The following AMPH variants were observed in gnomAD, a reference collection of about 807,000 sequenced individuals.
AMPH encodes amphiphysin.
A neutral mutation model predicts 99.1 loss-of-function variants in AMPH; 49 were observed. The observed-to-expected ratio is 0.49, with a 90% CI of 0.39 to 0.63. AMPH has a LOEUF of 0.63. Among genes scored for constraint, AMPH ranks in the 20% least tolerant of loss-of-function variants. The pLI is 0.00. For missense variants in AMPH, 759 were observed against 863.4 expected (o/e 0.88, Z 1.52); for synonymous variants, 314 against 317.3 (o/e 0.99, Z 0.11).
intron 20 of AMPH, among the ~76,000 whole-genome samples, chr7:38,386,328 T>C (rs553192241): frequency 6.6e-6 from 1 of 152,324 alleles, no homozygotes; most frequent in African/African-American, 2.4e-5. Context: ...AGTGTCTATA[T>C]TTGACTTTAT....
rs1441313460 is a variant in AMPH at position 38,618,020 on chromosome 7, TGTTA to T, written c.69+13259_69+13262del. ...TAGCTGGAGTTATGCTTAATAAATG[TGTTA>T]GTAACACTGGACATCTCGTACTATG... On this transcript the variant is annotated intron_variant, in intron 1 of 20. Transcript: ENST00000356264. Among the ~76,000 whole-genome samples, 4 of 152,348 alleles carry T rather than the reference TGTTA, an allele frequency of 2.6e-5. No individual in the cohort carries two copies. In the East Asian group the frequency reaches 7.7e-4, roughly 29 times the overall value.
chr7:38,386,549 T>A (rs746601589), intron 20 of AMPH, among the ~76,000 whole-genome samples: 2 of 152,202 alleles, frequency 1.3e-5, no homozygotes, highest in African/African-American at 4.8e-5. Context: ...GCTTAAAATA[T>A]GTGGTAGAAA....
rs537589146 is a variant in AMPH, at chr7:38,498,927, G to C, written c.206-4400C>G. 2.0e-5 allele frequency among the ~76,000 whole-genome samples: 3 copies of C among 152,180 alleles called. No homozygotes were observed. In the South Asian group the frequency reaches 6.2e-4, roughly 32 times the overall value. On this transcript the variant is annotated intron_variant, in intron 3 of 20. Transcript: ENST00000356264. ...GCTCTGTTTGTTCCCTCAAGAACCCGTGCTTCCTTCTGCTTCCTGGCCCAG... is the reference window on the plus strand; with the variant it reads ...GCTCTGTTTGTTCCCTCAAGAACCCCTGCTTCCTTCTGCTTCCTGGCCCAG...
At chr7:38,606,566 C>CTTTTTTTTTTTTTTTTTTTTT in intron 1 of AMPH, among the ~76,000 whole-genome samples, 1 of 97,276 alleles carries the variant, frequency 1.0e-5, no homozygotes, top group Non-Finnish European at 1.9e-5. Flanking sequence ...ACGTCATTCT[C>CTTTTTTTTTTTTTTTTTTTTT]TTTTTTTTTT....
At chr7:38,593,273 A>G (rs926962722) in intron 1 of AMPH, among the ~76,000 whole-genome samples, 3 of 152,246 alleles carry the variant, frequency 2.0e-5, no homozygotes, top group Non-Finnish European at 4.4e-5. Flanking sequence ...AGCAGAAACT[A>G]TTCTTTCAGT....
intron 16 of AMPH, among the ~76,000 whole-genome samples, chr7:38,421,331 A>T (rs1180151945): frequency 6.6e-6 from 1 of 152,256 alleles, no homozygotes; most frequent in African/African-American, 2.4e-5. Context: ...ATTGATAATT[A>T]AAAATTCCGT....
rs140096046 is a variant in AMPH at position 38,537,542 on chromosome 7, A to G, written c.70-2531T>C. On this transcript the variant is annotated intron_variant, in intron 1 of 20. Transcript: ENST00000356264. ...TTCTTTAACAAGATGAAATTCAACAAGGATAAAATTTAGGACAAAAACTTA... is the reference window on the plus strand; with the variant it reads ...TTCTTTAACAAGATGAAATTCAACAGGGATAAAATTTAGGACAAAAACTTA... 1.9e-3 allele frequency among the ~76,000 whole-genome samples: 291 copies of G among 152,360 alleles called. 3 individuals are homozygous for G. Among genetic ancestry groups the G allele is most frequent in the Admixed American group, 0.014 (218 of 15,306 alleles).
At chr7:38,485,445 A>C (rs760768789) in intron 5 of AMPH, among the ~76,000 whole-genome samples, 10 of 151,994 alleles carry the variant, frequency 6.6e-5, no homozygotes, top group African/African-American at 9.6e-5. Context: ...AATATAAAGC[A>C]TCTATATATG....
At chr7:38,427,802 C>A (rs1029526550) in intron 14 of AMPH, 42 of 423,890 alleles carry the variant, frequency 9.9e-5, no homozygotes, top group Admixed American at 1.8e-4. Context: ...CTACAGAAGT[C>A]TTTGGCTAGT....
intron 1 of AMPH, among the ~76,000 whole-genome samples, chr7:38,628,409 A>G (rs1268329284): frequency 1.3e-5 from 2 of 152,194 alleles, no homozygotes; most frequent in African/African-American, 2.4e-5. Flanking sequence ...GAATTTATCT[A>G]AGGAGATAAT....
Position 38,480,058 on chromosome 7 carries a change from GA to G in AMPH, c.397-3090del, listed in dbSNP as rs57895829. ...AAAAAATTTGATATGGTAGGAAAAA[GA>G]AAAAAAAAACACAATAATATAAATG... On this transcript the variant is annotated intron_variant, in intron 5 of 20. Coordinates refer to ENST00000356264, the MANE Select transcript of AMPH (RefSeq NM_001635.4). 9.7e-3 allele frequency among the ~76,000 whole-genome samples: 1,417 copies of G among 146,788 alleles called. 24 individuals are homozygous for G. The highest frequency in any genetic ancestry group is 0.031 in the African/African-American group (1,246 of 39,894).
intron 1 of AMPH, among the ~76,000 whole-genome samples, chr7:38,564,172 G>C (rs1406928433): frequency 6.6e-6 from 1 of 152,220 alleles, no homozygotes; most frequent in Non-Finnish European, 1.5e-5. Context: ...CAAATTATGT[G>C]AAAGCAAGGG....
chr7:38,399,751 C>A (rs1784789270), intron 17 of AMPH, among the ~76,000 whole-genome samples: 1 of 152,186 alleles, frequency 6.6e-6, no homozygotes, highest in African/African-American at 2.4e-5. Context: ...GTACTTCAAG[C>A]CTTTCATACC....
chr7:38,540,027 G>A (rs551024278), intron 1 of AMPH, among the ~76,000 whole-genome samples: 6 of 152,314 alleles, frequency 3.9e-5, no homozygotes, highest in Admixed American at 2.6e-4. Flanking sequence ...CTTTGGCAGT[G>A]TTGAAAACAC....
At chr7:38,417,592 T>C (rs73348881) in intron 17 of AMPH, among the ~76,000 whole-genome samples, 4,822 of 152,342 alleles carry the variant, frequency 0.032, 235 homozygotes, top group African/African-American at 0.11. Flanking sequence ...TACTGTGCTA[T>C]ACCTGTGGCT....
intron 1 of AMPH, among the ~76,000 whole-genome samples, chr7:38,587,948 G>A (rs1792718177): frequency 1.5e-5 from 2 of 137,600 alleles, no homozygotes; most frequent in African/African-American, 6.7e-5. Context: ...GTGTGTGTGT[G>A]TGCGCGTGTG....
chr7:38,560,362 GC>G (rs1055487186), intron 1 of AMPH, among the ~76,000 whole-genome samples: 1 of 152,100 alleles, frequency 6.6e-6, no homozygotes, highest in African/African-American at 2.4e-5. Flanking sequence ...AGTCCATCCA[GC>G]CCCAGAAACT....
intron 3 of AMPH, 151 bp downstream of exon 3, chr7:38,503,499 G>A: frequency 1.8e-6 from 1 of 546,646 alleles, no homozygotes; most frequent in Non-Finnish European, 3.2e-6. Context: ...TTGGGGCGGG[G>A]GGGTGGGTGG....
chr7:38,422,630 T>A lies in AMPH; in HGVS notation c.1216-153A>T, dbSNP rs117697314. On this transcript the variant is annotated intron_variant, in intron 15 of 20. Coordinates refer to ENST00000356264, the MANE Select transcript of AMPH (RefSeq NM_001635.4). ...TCTATCTATCGACACTCTATCTATC[T>A]AATTTTTTTTTGAGAAAGGGTCTCC... Among the ~76,000 whole-genome samples the A allele has an allele frequency of 5.6e-4, 85 of 152,058 alleles. No homozygotes were observed. The East Asian group carries it at 0.014, about 24-fold the overall frequency.
Sources: gnomAD v4.1 joint callset for allele counts (sites outside exome capture counted in the v4.1 genomes callset) on GRCh38, gnomAD v4.1.1 for gene constraint, MANE v1.5 for transcripts, NCBI Gene and HGNC (gene_info 2026-07-23, HGNC 2026-07-21) for gene names.